Variants in PRIM2 observed in about 807,000 individuals in gnomAD.
PRIM2 encodes DNA primase large subunit.
In PRIM2, 39 loss-of-function variants were observed where a neutral mutation model predicts 67.3. The ratio of observed to expected loss-of-function variants is 0.58; its 90% CI spans 0.45 to 0.76. The LOEUF (loss-of-function observed/expected upper bound fraction) is 0.76. PRIM2 is among the 30% of genes least tolerant of loss of function. The probability of loss-of-function intolerance (pLI) is 0.00; values close to 1 mark genes in which losing one functional copy is unlikely to be tolerated. For synonymous variants in PRIM2, 143 were observed against 198.7 expected, an observed-to-expected ratio of 0.72 and a Z score of 2.36; for missense variants, 398 against 598.7, an observed-to-expected ratio of 0.66 and a Z score of 3.50.
chr6:57,270,305 A>G, the PRIM2 span, among the ~76,000 whole-genome samples: 1 of 151,822 alleles, frequency 6.6e-6, no homozygotes, highest in Non-Finnish European at 1.5e-5. Flanking sequence ...CTTTTATTTC[A>G]TTGAGCAGTG....
chr6:57,424,107 C>T (rs1288337967), intron 7 of PRIM2, among the ~76,000 whole-genome samples: 2 of 152,102 alleles, frequency 1.3e-5, no homozygotes, highest in Non-Finnish European at 2.9e-5. Flanking sequence ...ACATTTATTT[C>T]AGGAAATTGT....
At chr6:57,629,065 G>A (rs1777002031) in intron 12 of PRIM2, among the ~76,000 whole-genome samples, 2 of 152,060 alleles carry the variant, frequency 1.3e-5, no homozygotes, top group Non-Finnish European at 2.9e-5. Context: ...AACCCCCTCA[G>A]CAAGTTGTAT....
chr6:57,504,530 A>G (rs1774214250), intron 7 of PRIM2, among the ~76,000 whole-genome samples: 1 of 152,226 alleles, frequency 6.6e-6, no homozygotes, highest in Admixed American at 6.5e-5. Flanking sequence ...TAACCTTTCA[A>G]CGATAATGAG....
intron 7 of PRIM2, among the ~76,000 whole-genome samples, chr6:57,468,263 G>T (rs1773252501): frequency 6.6e-6 from 1 of 152,166 alleles, no homozygotes. Flanking sequence ...TTGGCTGTGG[G>T]TTTGTCATAA....
At chr6:57,563,122 T>C (rs1454686563) in intron 10 of PRIM2, among the ~76,000 whole-genome samples, 8 of 152,138 alleles carry the variant, frequency 5.3e-5, no homozygotes, top group African/African-American at 1.9e-4. Context: ...CCTCTATGTA[T>C]AGTAAATTGA....
chr6:57,406,563 G>A (rs1308893757), intron 7 of PRIM2, among the ~76,000 whole-genome samples: 3 of 152,022 alleles, frequency 2.0e-5, no homozygotes, highest in Admixed American at 6.6e-5. Context: ...TACCCAACAA[G>A]TTCTAGGAGA....
intron 7 of PRIM2, among the ~76,000 whole-genome samples, chr6:57,488,591 G>A (rs1178995355): frequency 4.7e-4 from 72 of 152,344 alleles, no homozygotes; most frequent in African/African-American, 1.7e-3. Flanking sequence ...CTTCAGGGGA[G>A]GAGTCCCACT....
At chr6:57,538,449 A>G (rs1481601771) in intron 10 of PRIM2, among the ~76,000 whole-genome samples, 3 of 152,208 alleles carry the variant, frequency 2.0e-5, no homozygotes, top group Non-Finnish European at 2.9e-5. Flanking sequence ...GTGCCAGCTA[A>G]TAACATTTTA....
intron 5 of PRIM2, among the ~76,000 whole-genome samples, chr6:57,341,140 G>T (rs1296496898): frequency 6.6e-6 from 1 of 152,142 alleles, no homozygotes; most frequent in African/African-American, 2.4e-5. Context: ...ACATCCCAGT[G>T]TGGTGTTATA....
chr6:57,328,327 C>A (rs1471429282), intron 5 of PRIM2, among the ~76,000 whole-genome samples: 1 of 152,108 alleles, frequency 6.6e-6, no homozygotes, highest in Non-Finnish European at 1.5e-5. Flanking sequence ...AAAATGAAAC[C>A]TCTTACCCAT....
intron 7 of PRIM2, among the ~76,000 whole-genome samples, chr6:57,414,028 G>A (rs1314546411): frequency 6.6e-6 from 1 of 152,124 alleles, no homozygotes; most frequent in African/African-American, 2.4e-5. Flanking sequence ...CTACATTGAT[G>A]TGGACTAGGC....
intron 13 of PRIM2, among the ~76,000 whole-genome samples, chr6:57,633,580 A>G (rs1284864453): frequency 6.6e-6 from 1 of 152,210 alleles, no homozygotes; most frequent in Non-Finnish European, 1.5e-5. Flanking sequence ...TAGTAATACC[A>G]GCCAATATCT....
At chr6:57,407,464 G>GT (rs142882113) in intron 7 of PRIM2, among the ~76,000 whole-genome samples, 114 of 146,042 alleles carry the variant, frequency 7.8e-4, no homozygotes, top group African/African-American at 1.9e-3. Flanking sequence ...TCCAGTGTGG[G>GT]TTTTTTTTTT....
At chr6:57,332,239 A>G (rs1478671064) in intron 5 of PRIM2, among the ~76,000 whole-genome samples, 1 of 152,082 alleles carries the variant, frequency 6.6e-6, no homozygotes, top group African/African-American at 2.4e-5. Context: ...TATATTTTAT[A>G]TGACTGCAAT....
At chr6:57,536,128 C>G (rs1483885269) in intron 9 of PRIM2, among the ~76,000 whole-genome samples, 19 of 152,054 alleles carry the variant, frequency 1.2e-4, no homozygotes, top group Non-Finnish European at 2.4e-4. Context: ...GAAGTTGTTA[C>G]TGTAAAAGAA....
the PRIM2 span, among the ~76,000 whole-genome samples, chr6:57,293,832 G>GT: frequency 6.8e-6 from 1 of 146,174 alleles, no homozygotes; most frequent in Non-Finnish European, 1.5e-5. Context: ...ACTGGGGCCT[G>GT]TTGGGGGGTG....
the PRIM2 span, among the ~76,000 whole-genome samples, chr6:57,290,658 A>G: frequency 6.6e-6 from 1 of 152,204 alleles, no homozygotes; most frequent in Non-Finnish European, 1.5e-5. Flanking sequence ...AGTCTCTCAG[A>G]CCACAGTGCA....
the PRIM2 span, among the ~76,000 whole-genome samples, chr6:57,250,910 A>G: frequency 2.6e-5 from 4 of 152,224 alleles, no homozygotes; most frequent in Non-Finnish European, 5.9e-5. Context: ...TCACTGCAGC[A>G]TGTCAAATTT....
chr6:57,547,847 A>G (rs1775320181), intron 10 of PRIM2, among the ~76,000 whole-genome samples: 1 of 152,244 alleles, frequency 6.6e-6, no homozygotes, highest in African/African-American at 2.4e-5. Context: ...TTGTGTTGTT[A>G]AAAATTGACT....
Sources: allele counts gnomAD v4.1 joint callset (sites outside exome capture counted in the v4.1 genomes callset), GRCh38; gene constraint gnomAD v4.1.1; transcripts MANE v1.5; gene names NCBI Gene and HGNC (gene_info 2026-07-23, HGNC 2026-07-21).